Variants in CEACAM20 observed in about 807,000 individuals in gnomAD.
The protein encoded by CEACAM20 is cell adhesion molecule CEACAM20.
Under a neutral mutation model 61.2 loss-of-function variants are expected in CEACAM20, and 50 were observed. The observed-to-expected ratio is 0.82, with a 90% CI of 0.65 to 1.03. CEACAM20 has a LOEUF of 1.03. Among genes scored for constraint, CEACAM20 ranks in the 50% least tolerant of loss-of-function variants. The probability of loss-of-function intolerance (pLI) is 0.00; values close to 1 mark genes in which losing one functional copy is unlikely to be tolerated. For synonymous variants in CEACAM20, 282 were observed against 287.7 expected, an observed-to-expected ratio of 0.98 and a Z score of 0.20; for missense variants, 683 against 736.4, an observed-to-expected ratio of 0.93 and a Z score of 0.84.
chr19:44,506,497 G>T (rs578255106), intron 11 of CEACAM20, among the ~76,000 whole-genome samples: 98 of 152,298 alleles, frequency 6.4e-4, no homozygotes, highest in African/African-American at 2.3e-3. Flanking sequence ...GGCAAGACCT[G>T]TGACTTGCAT....
At chr19:44,525,867 G>T (rs1971516179) in intron 1 of CEACAM20, among the ~76,000 whole-genome samples, 1 of 152,184 alleles carries the variant, frequency 6.6e-6, no homozygotes, top group African/African-American at 2.4e-5. Flanking sequence ...TGGGTCCCCT[G>T]ATAGTCACTG....
At chr19:44,517,363 G>A in intron 5 of CEACAM20, 139 bp from the exon 6 acceptor site, 2 of 1,110,994 alleles carry the variant, frequency 1.8e-6, no homozygotes, top group East Asian at 2.6e-5. Context: ...CTGACAAGCA[G>A]AGTGTGGTCC....
intron 5 of CEACAM20, among the ~76,000 whole-genome samples, chr19:44,518,157 AGGAAGGAAGG>A (rs1971243629): frequency 2.7e-5 from 2 of 73,418 alleles, no homozygotes; most frequent in Non-Finnish European, 5.2e-5. Flanking sequence ...GAAGGAAGGA[AGGAAGGAAGG>A]AAGAAAGCAG....
intron 1 of CEACAM20, 38 bp from the exon 2 acceptor site, chr19:44,525,282 G>T (rs768277507): frequency 6.5e-7 from 1 of 1,541,872 alleles, no homozygotes; most frequent in Non-Finnish European, 8.7e-7. Flanking sequence ...GGAGGGAGAG[G>T]TGTGTTGGGG....
chr19:44,526,790 C>G (rs1357090365), intron 1 of CEACAM20, among the ~76,000 whole-genome samples: 1 of 151,974 alleles, frequency 6.6e-6, no homozygotes, highest in Non-Finnish European at 1.5e-5. Context: ...ACAAGAATCT[C>G]TTGAACCCAG....
In CEACAM20 at chr19:44,522,843, T is replaced by A; in HGVS notation, c.542A>T (p.Glu181Val). Residue 181 changes from glutamate (E) to valine (V), a missense_variant, in exon 4 of 12, where the codon GAG (glutamate) becomes GTG (valine). Glu to Val is a moderately radical substitution (Grantham distance 121). Coordinates refer to ENST00000614924, the MANE Select transcript of CEACAM20 (RefSeq NM_001102597.3). ...CGCTAAGAAGGTCATGCTGGAGCCCTCCATCACCTCAACCACCTCCCCACT... is the reference window on the plus strand; with the variant it reads ...CGCTAAGAAGGTCATGCTGGAGCCCACCATCACCTCAACCACCTCCCCACT... ...VASGEVVEVM[E>V]GSSMTFLAET... The A allele has an allele frequency of 1.2e-6, 2 of 1,611,168 alleles. No homozygotes were observed. Among genetic ancestry groups the A allele is most frequent in the Non-Finnish European group, 1.7e-6 (2 of 1,178,878 alleles).
At chr19:44,525,020 G>C in intron 2 of CEACAM20, 81 bp downstream of exon 2, 1 of 1,555,114 alleles carries the variant, frequency 6.4e-7, no homozygotes, top group Non-Finnish European at 8.7e-7. Context: ...TCGTCCTCTG[G>C]GGACTTTGGG....
intron 5 of CEACAM20, among the ~76,000 whole-genome samples, 164 bp from the exon 6 acceptor site, chr19:44,517,388 G>A (rs751143130): frequency 1.3e-5 from 2 of 152,008 alleles, no homozygotes; most frequent in Admixed American, 1.3e-4. Context: ...CACTGGGGGT[G>A]GGGCAGATCA....
chr19:44,524,202 C>T lies in CEACAM20; in HGVS notation c.256G>A (p.Val86Met). 6.2e-7 allele frequency: 1 copy of T among 1,613,854 alleles called. No individual in the cohort carries two copies. Among genetic ancestry groups the T allele is most frequent in the Non-Finnish European group, 8.5e-7 (1 of 1,179,776 alleles). Reference sequence around the variant, plus strand: ...TCCTTAGTGGTGCAGTAGAAGGTCACCATGTCCTTCTGCTCTATGGCAGTG... The same window carrying T: ...TCCTTAGTGGTGCAGTAGAAGGTCATCATGTCCTTCTGCTCTATGGCAGTG... The part of the protein sequence containing the change: ...PGTAIEQKDM[V>M]TFYCTTKDVN... Residue 86 changes from valine to methionine, a missense_variant, in exon 3 of 12, where the codon GTG becomes ATG. Physicochemically the swap from Val to Met is conservative, Grantham distance 21 (BLOSUM62 1). Transcript: ENST00000614924.
At position 44,520,405 on chromosome 19, in the gene CEACAM20, A is replaced by G. The variant is rs1971317104; in HGVS notation, c.1030+69T>C. ...CTCAATAATCATAGCATGAATGACT[A>G]GAAGGAAGAACTTAAAGAGAAGGAG... On this transcript the variant is annotated intron_variant, in intron 5 of 11. Coordinates refer to ENST00000614924, the MANE Select transcript of CEACAM20 (RefSeq NM_001102597.3). The G allele has an allele frequency of 1.9e-6, 3 of 1,551,256 alleles. No individual in the cohort carries two copies. In the African/African-American group the frequency reaches 4.1e-5, roughly 21 times the overall value.
intron 6 of CEACAM20, among the ~76,000 whole-genome samples, chr19:44,516,290 G>A (rs868338408): frequency 3.9e-5 from 6 of 152,260 alleles, no homozygotes; most frequent in Middle Eastern, 3.4e-3. Context: ...CTGACTCATT[G>A]TCCTTCTAAG....
At chr19:44,518,715 C>A (rs919935835) in intron 5 of CEACAM20, among the ~76,000 whole-genome samples, 1 of 151,990 alleles carries the variant, frequency 6.6e-6, no homozygotes, top group Non-Finnish European at 1.5e-5. Flanking sequence ...TCCTAAACAT[C>A]ATTTGAACCT....
Position 44,511,154 on chromosome 19 carries a change from G to C in CEACAM20, c.1613C>G (p.Thr538Arg). The C allele has an allele frequency of 1.9e-6, 3 of 1,613,474 alleles. No homozygotes were observed. The highest frequency in any genetic ancestry group is 1.7e-4 in the Middle Eastern group (1 of 6,032). Residue 538 changes from threonine (T) to arginine (R), a missense_variant and splice_region_variant, in exon 11 of 12, where the codon ACG becomes AGG. Thr to Arg is a moderately conservative substitution (Grantham distance 71). Coordinates refer to ENST00000614924, the MANE Select transcript of CEACAM20 (RefSeq NM_001102597.3). ...PPDLPEETYE[T>R]KLPSASRRGN... ...TCTACGGCTTGCTGAAGGCAGCTTC[G>C]TCTGCAAGTAAGCAGAGAAATTAGG...
intron 7 of CEACAM20, 69 bp from the exon 8 acceptor site, chr19:44,513,022 T>G: frequency 7.2e-7 from 1 of 1,397,158 alleles, no homozygotes; most frequent in Non-Finnish European, 9.9e-7. Flanking sequence ...TCTGCCCATA[T>G]CCCATGTCCA....
In CEACAM20 at chr19:44,511,094, T is replaced by G; in HGVS notation, c.1673A>C (p.Lys558Thr). ...NSFSPWKPPP[K>T]PLMPPLRLVS... Reference sequence around the variant, plus strand: ...CAATCTGAGTGGGGGCATCAGAGGTTTGGGTGGTGGCTTCCAGGGGCTGAA... The same window carrying G: ...CAATCTGAGTGGGGGCATCAGAGGTGTGGGTGGTGGCTTCCAGGGGCTGAA... Residue 558 changes from lysine (K) to threonine (T), a missense_variant, in exon 11 of 12, where the codon AAA (lysine) becomes ACA (threonine). Coordinates refer to ENST00000614924, the MANE Select transcript of CEACAM20 (RefSeq NM_001102597.3). 6.2e-7 allele frequency: 1 copy of G among 1,613,898 alleles called. No individual in the cohort carries two copies. Among genetic ancestry groups the G allele is most frequent in the Non-Finnish European group, 8.5e-7 (1 of 1,179,872 alleles).
intron 5 of CEACAM20, among the ~76,000 whole-genome samples, chr19:44,518,171 A>AAGC (rs1971246632): frequency 7.6e-6 from 1 of 131,076 alleles, no homozygotes; most frequent in Admixed American, 7.5e-5. Flanking sequence ...AGGAAGGAAG[A>AAGC]AAGCAGGCAG....
At chr19:44,521,761 CTG>C in intron 4 of CEACAM20, among the ~76,000 whole-genome samples, 1 of 152,032 alleles carries the variant, frequency 6.6e-6, no homozygotes, top group East Asian at 1.9e-4. Context: ...TGTTGTATGT[CTG>C]TGGTATTGCA....
At chr19:44,524,752 T>TG (rs1301891227) in intron 2 of CEACAM20, among the ~76,000 whole-genome samples, 3 of 152,084 alleles carry the variant, frequency 2.0e-5, no homozygotes, top group African/African-American at 7.2e-5. Flanking sequence ...GAGGATTTTG[T>TG]GTTTTTTTTG....
rs187319936 is a variant in CEACAM20 at position 44,515,734 on chromosome 19, C to T, written c.1309+1212G>A. On this transcript the variant is annotated intron_variant, in intron 6 of 11. Transcript: ENST00000614924. ...ATCTCAGCACGTTGGGAGGCTGAAGCGGGACGATCACTTGAGCCCAGGAGT... is the reference window on the plus strand; with the variant it reads ...ATCTCAGCACGTTGGGAGGCTGAAGTGGGACGATCACTTGAGCCCAGGAGT... 5.9e-5 allele frequency among the ~76,000 whole-genome samples: 9 copies of T among 152,134 alleles called. No homozygotes were observed. In the South Asian group the frequency reaches 8.3e-4, roughly 14 times the overall value.
Sources: gnomAD v4.1 joint callset for allele counts (sites outside exome capture counted in the v4.1 genomes callset) on GRCh38, gnomAD v4.1.1 for gene constraint, MANE v1.5 for transcripts, NCBI Gene and HGNC (gene_info 2026-07-23, HGNC 2026-07-21) for gene names.